The following NTM variants were observed in gnomAD, a reference collection of about 807,000 sequenced individuals.
NTM encodes neurotrimin.
A neutral mutation model predicts 42.1 loss-of-function variants in NTM; 13 were observed. That is an observed-to-expected ratio of 0.31 (90% CI 0.20 to 0.49). NTM has a LOEUF of 0.49. NTM is among the 20% of genes least tolerant of loss of function. The pLI is 0.99. For synonymous variants in NTM, 187 were observed against 179.2 expected, an observed-to-expected ratio of 1.04 and a Z score of -0.35; for missense variants, 373 against 452.8, an observed-to-expected ratio of 0.82 and a Z score of 1.60.
intron 1 of NTM, among the ~76,000 whole-genome samples, chr11:131,442,783 T>C (rs1347615965): frequency 6.6e-6 from 1 of 152,006 alleles, no homozygotes; most frequent in East Asian, 1.9e-4. Flanking sequence ...TATTCCGTTA[T>C]ATATATACGT....
At chr11:131,654,555 T>C (rs2066930848) in intron 1 of NTM, among the ~76,000 whole-genome samples, 1 of 152,096 alleles carries the variant, frequency 6.6e-6, no homozygotes, top group African/African-American at 2.4e-5. Flanking sequence ...CCCTTCCAAA[T>C]CTCATGCTGA....
intron 1 of NTM, chr11:131,661,247 G>C (rs2068018792): frequency 3.2e-6 from 1 of 310,174 alleles, no homozygotes; most frequent in African/African-American, 2.2e-5. Flanking sequence ...TCTTTCCTGG[G>C]TGAAGTTCCA....
At chr11:132,124,624 C>T (rs775598075) in intron 2 of NTM, among the ~76,000 whole-genome samples, 22 of 151,892 alleles carry the variant, frequency 1.4e-4, no homozygotes, top group Non-Finnish European at 2.8e-4. Flanking sequence ...TGTGTGTGTG[C>T]GCGCGCACGC....
rs558244748 is a variant in NTM, at chr11:132,138,965, G to A, written c.168-7317G>A. On this transcript the variant is annotated intron_variant, in intron 2 of 8. Coordinates refer to ENST00000683400, the MANE Select transcript of NTM (RefSeq NM_001352005.2). ...TTGACACAGAGAATTAATCATCACC[G>A]AAAATGAGGTGGAACTTTGTAGGGA... Among the ~76,000 whole-genome samples, 7 of 152,226 alleles carry A rather than the reference G, an allele frequency of 4.6e-5. No homozygotes were observed. The South Asian group carries it at 6.2e-4, about 14-fold the overall frequency.
chr11:131,389,801 C>T lies in NTM; in HGVS notation c.82+18913C>T, dbSNP rs531844599. Among the ~76,000 whole-genome samples, 5 of 152,292 alleles carry T rather than the reference C, an allele frequency of 3.3e-5. No homozygotes were observed. In the East Asian group the frequency reaches 5.8e-4, roughly 18 times the overall value. Reference sequence around the variant, plus strand: ...TCCCCTGGGATTCAGTAATCAAACACGTGGCAACAGGTTGTCTGTTTCAAC... The same window carrying T: ...TCCCCTGGGATTCAGTAATCAAACATGTGGCAACAGGTTGTCTGTTTCAAC... On this transcript the variant is annotated intron_variant, in intron 1 of 8. Transcript: ENST00000683400.
intron 1 of NTM, among the ~76,000 whole-genome samples, chr11:131,388,883 G>C (rs1171393323): frequency 1.3e-5 from 2 of 151,376 alleles, no homozygotes; most frequent in Non-Finnish European, 2.9e-5. Context: ...ATGGTGGCAC[G>C]TGCCTGTAAT....
intron 1 of NTM, among the ~76,000 whole-genome samples, chr11:131,422,786 T>C (rs954896237): frequency 1.3e-5 from 2 of 152,212 alleles, no homozygotes; most frequent in African/African-American, 4.8e-5. Context: ...TCAAATCCAC[T>C]TGCTTATCTG....
At chr11:132,326,341 G>C (rs954788497) in intron 7 of NTM, among the ~76,000 whole-genome samples, 1 of 152,070 alleles carries the variant, frequency 6.6e-6, no homozygotes, top group South Asian at 2.1e-4. Flanking sequence ...TCAGGTAGGG[G>C]TTTTTAACAA....
At chr11:131,742,098 G>A (rs193062326) in intron 1 of NTM, among the ~76,000 whole-genome samples, 4 of 152,260 alleles carry the variant, frequency 2.6e-5, no homozygotes, top group Admixed American at 1.3e-4. Flanking sequence ...AGGTGGGTGA[G>A]GACCAGGAAA....
At chr11:132,041,964 G>T (rs1362815945) in intron 2 of NTM, among the ~76,000 whole-genome samples, 1 of 152,216 alleles carries the variant, frequency 6.6e-6, no homozygotes, top group Non-Finnish European at 1.5e-5. Context: ...TATGTTGTTA[G>T]TGGTGTTGAG....
At chr11:131,377,817 G>C (rs927678729) in intron 1 of NTM, among the ~76,000 whole-genome samples, 1 of 152,174 alleles carries the variant, frequency 6.6e-6, no homozygotes, top group Non-Finnish European at 1.5e-5. Flanking sequence ...TGCTTTGGGA[G>C]GGCTGCTGCT....
chr11:131,931,749 TGTG>T (rs748240478), intron 2 of NTM, among the ~76,000 whole-genome samples: 27 of 151,932 alleles, frequency 1.8e-4, no homozygotes, highest in Non-Finnish European at 2.9e-5. Context: ...TAATCTGGCA[TGTG>T]GTGGGGGGTG....
intron 3 of NTM, among the ~76,000 whole-genome samples, chr11:132,196,917 T>A (rs1474239136): frequency 1.3e-5 from 2 of 151,998 alleles, no homozygotes; most frequent in African/African-American, 4.8e-5. Flanking sequence ...GCACATGTAC[T>A]CCCTGAAGCT....
chr11:132,320,225 C>T lies in NTM; in HGVS notation c.934+5522C>T, dbSNP rs538806024. ...GGTCTACAGCTCCCAGCCTGAGCGA[C>T]GCAGAAGATGGGTGATTTCTGCATT... On this transcript the variant is annotated intron_variant, in intron 7 of 8. Transcript: ENST00000683400. Among the ~76,000 whole-genome samples the T allele has an allele frequency of 7.9e-5, 12 of 152,310 alleles. No homozygotes were observed. The South Asian group carries it at 1.4e-3, about 18-fold the overall frequency.
intron 2 of NTM, among the ~76,000 whole-genome samples, chr11:132,092,902 G>A (rs970628376): frequency 2.0e-5 from 3 of 152,118 alleles, no homozygotes; most frequent in Non-Finnish European, 4.4e-5. Context: ...TCACTCCTTG[G>A]ATAACTCAAG....
Position 132,012,546 on chromosome 11 carries a change from T to A in NTM, c.167+100898T>A, listed in dbSNP as rs370080946. Among the ~76,000 whole-genome samples, 6 of 152,248 alleles carry A rather than the reference T, an allele frequency of 3.9e-5. No individual in the cohort carries two copies. In the East Asian group the frequency reaches 1.2e-3, roughly 30 times the overall value. ...GACGTATAAGAAATTTCTAAACATG[T>A]TTTTTCTCTTTAGTGGTACTAATAA... On this transcript the variant is annotated intron_variant, in intron 2 of 8. Coordinates refer to ENST00000683400, the MANE Select transcript of NTM (RefSeq NM_001352005.2).
At chr11:131,874,577 C>G (rs1214784219) in intron 1 of NTM, among the ~76,000 whole-genome samples, 1 of 152,102 alleles carries the variant, frequency 6.6e-6, no homozygotes, top group Non-Finnish European at 1.5e-5. Context: ...GGTAGTTAAA[C>G]CTTTACTATT....
intron 1 of NTM, among the ~76,000 whole-genome samples, chr11:131,798,058 G>A (rs2091764074): frequency 6.6e-6 from 1 of 152,138 alleles, no homozygotes; most frequent in East Asian, 1.9e-4. Context: ...ACAGATGTTC[G>A]ACTGCCCAAG....
At chr11:131,755,290 A>G (rs1471305225) in intron 1 of NTM, among the ~76,000 whole-genome samples, 1 of 152,174 alleles carries the variant, frequency 6.6e-6, no homozygotes, top group Non-Finnish European at 1.5e-5. Flanking sequence ...GAAAGGTACA[A>G]TGTTTCACTC....
Sources: gnomAD v4.1 joint callset for allele counts (sites outside exome capture counted in the v4.1 genomes callset) on GRCh38, gnomAD v4.1.1 for gene constraint, MANE v1.5 for transcripts, NCBI Gene and HGNC (gene_info 2026-07-23, HGNC 2026-07-21) for gene names.